Variants in ANO2 observed in about 807,000 individuals in gnomAD.
ANO2 encodes anoctamin 2.
ANO2 carries 101 observed loss-of-function variants against 124.2 expected under a neutral mutation model. That is an observed-to-expected ratio of 0.81 (90% CI 0.69 to 0.96). The LOEUF (loss-of-function observed/expected upper bound fraction) is 0.96. Among genes scored for constraint, ANO2 ranks in the 40% least tolerant of loss-of-function variants. The pLI, the probability that ANO2 is intolerant of heterozygous loss-of-function variation, is 0.00. For synonymous variants in ANO2, 486 were observed against 482.5 expected (o/e 1.01, Z -0.09); for missense variants, 1,293 against 1,274.5 (o/e 1.01, Z -0.22).
chr12:5,563,379 G>A lies in ANO2; in HGVS notation c.2917C>T (p.Arg973Trp), dbSNP rs751453525. 2.2e-5 allele frequency: 36 copies of A among 1,605,148 alleles called. No individual in the cohort carries two copies. The highest frequency in any genetic ancestry group is 1.7e-4 in the Middle Eastern group (1 of 5,952). ...SPGGGDRSRS[R>W]AASSAPSGQS... ...CCTGAAGGTGCTGAGCTGGCTGCCC[G>A]GCTCCTGCTTCGATCCCCACCTCCT... Residue 973 changes from arginine (R) to tryptophan (W), a missense_variant, in exon 25 of 25, where the codon CGG becomes TGG. Coordinates refer to ENST00000682330, the MANE Select transcript of ANO2 (RefSeq NM_001364791.2).
intron 16 of ANO2, among the ~76,000 whole-genome samples, chr12:5,628,149 A>G (rs182816278): frequency 2.0e-5 from 3 of 152,316 alleles, no homozygotes; most frequent in African/African-American, 7.2e-5. Flanking sequence ...AATTTAAAAA[A>G]AAATTCTTTC....
rs373521063 is a variant in ANO2 at position 5,709,358 on chromosome 12, A to G, written c.1545+23162T>C. ...TTGCCTAAGTTCTGGGCTATGGAAC[A>G]CGAGATGTGCAAATTCCAGATCATG... On this transcript the variant is annotated intron_variant, in intron 14 of 24. Transcript: ENST00000682330. Among the ~76,000 whole-genome samples, 38 of 152,248 alleles carry G rather than the reference A, an allele frequency of 2.5e-4. 1 individual carries two copies. The highest frequency in any genetic ancestry group is 1.2e-3 in the East Asian group (6 of 5,204).
chr12:5,930,294 A>T (rs956885262), intron 1 of ANO2, among the ~76,000 whole-genome samples: 10 of 152,224 alleles, frequency 6.6e-5, no homozygotes, highest in Non-Finnish European at 1.2e-4. Context: ...CAATGAACGA[A>T]CAGAGATGTG....
chr12:5,733,442 G>T (rs147925699), intron 13 of ANO2, among the ~76,000 whole-genome samples: 3 of 152,158 alleles, frequency 2.0e-5, no homozygotes, highest in East Asian at 1.9e-4. Context: ...TCTTCCTTAC[G>T]GTTTCCAGCT....
intron 20 of ANO2, among the ~76,000 whole-genome samples, chr12:5,580,811 G>C (rs541506623): frequency 6.6e-6 from 1 of 152,288 alleles, no homozygotes; most frequent in African/African-American, 2.4e-5. Context: ...ATTCAACCCT[G>C]TCCACTGCCA....
chr12:5,910,389 G>A (rs552976021), intron 3 of ANO2, among the ~76,000 whole-genome samples: 2 of 152,238 alleles, frequency 1.3e-5, no homozygotes, highest in East Asian at 3.9e-4. Context: ...ATGTTGGCCA[G>A]GCTGGTCTTG....
intron 14 of ANO2, among the ~76,000 whole-genome samples, chr12:5,691,858 T>C (rs1406188957): frequency 6.6e-6 from 1 of 151,628 alleles, no homozygotes; most frequent in Non-Finnish European, 1.5e-5. Context: ...GCCGAGATCA[T>C]GTGCCACTGC....
intron 19 of ANO2, among the ~76,000 whole-genome samples, chr12:5,609,368 C>T (rs895419945): frequency 6.6e-5 from 10 of 152,102 alleles, no homozygotes; most frequent in Non-Finnish European, 1.0e-4. Flanking sequence ...AAAATACATG[C>T]CCAAGTGCCC....
chr12:5,877,054 G>T (rs1055270631), intron 3 of ANO2, among the ~76,000 whole-genome samples: 5 of 152,188 alleles, frequency 3.3e-5, no homozygotes, highest in Non-Finnish European at 1.5e-5. Flanking sequence ...ATTGAAGTGG[G>T]TTGAGTAGCG....
At chr12:5,640,508 C>A (rs1280844171) in intron 15 of ANO2, among the ~76,000 whole-genome samples, 1 of 152,048 alleles carries the variant, frequency 6.6e-6, no homozygotes, top group Non-Finnish European at 1.5e-5. Context: ...CCTGAATCTA[C>A]AAAGAACTTA....
intron 7 of ANO2, among the ~76,000 whole-genome samples, chr12:5,813,777 G>A (rs1176395058): frequency 1.3e-5 from 2 of 152,156 alleles, no homozygotes; most frequent in African/African-American, 4.8e-5. Flanking sequence ...GGCCTCGTTG[G>A]CTCATATGTA....
chr12:5,619,780 G>A (rs183857765), intron 16 of ANO2, among the ~76,000 whole-genome samples: 1 of 152,284 alleles, frequency 6.6e-6, no homozygotes, highest in Admixed American at 6.5e-5. Context: ...ACTAAATATT[G>A]GAGGTTTACA....
intron 10 of ANO2, among the ~76,000 whole-genome samples, chr12:5,768,734 C>T (rs1951976188): frequency 6.6e-6 from 1 of 152,168 alleles, no homozygotes; most frequent in East Asian, 1.9e-4. Flanking sequence ...GGAACGACAG[C>T]AGCTGGATTG....
At chr12:5,807,648 A>T (rs868865966) in intron 7 of ANO2, among the ~76,000 whole-genome samples, 3 of 152,182 alleles carry the variant, frequency 2.0e-5, no homozygotes, top group Non-Finnish European at 4.4e-5. Flanking sequence ...TTCCATTCCA[A>T]TAACCTTCCA....
At chr12:5,650,503 A>G (rs1019879981) in intron 14 of ANO2, among the ~76,000 whole-genome samples, 13 of 152,202 alleles carry the variant, frequency 8.5e-5, no homozygotes, top group African/African-American at 3.1e-4. Context: ...GAGAAACACA[A>G]AGATTGCACC....
At chr12:5,790,572 CGTAA>C (rs952185477) in intron 10 of ANO2, among the ~76,000 whole-genome samples, 122 of 152,144 alleles carry the variant, frequency 8.0e-4, no homozygotes, top group African/African-American at 2.8e-3. Flanking sequence ...TCATCTATGT[CGTAA>C]GTCTCATTTT....
At chr12:5,607,416 G>A (rs970347771) in intron 19 of ANO2, among the ~76,000 whole-genome samples, 3 of 145,462 alleles carry the variant, frequency 2.1e-5, no homozygotes, top group Admixed American at 1.4e-4. Flanking sequence ...TTGTTTTAAC[G>A]TAAAAACCTT....
At chr12:5,735,487 C>T (rs967159245) in intron 13 of ANO2, among the ~76,000 whole-genome samples, 3 of 152,180 alleles carry the variant, frequency 2.0e-5, no homozygotes, top group African/African-American at 7.2e-5. Context: ...CAGTCCTAGA[C>T]ACAAGATCCC....
chr12:5,942,914 C>A (rs996326078), intron 1 of ANO2, among the ~76,000 whole-genome samples: 1 of 152,170 alleles, frequency 6.6e-6, no homozygotes, highest in Non-Finnish European at 1.5e-5. Flanking sequence ...AATGAGATAA[C>A]CCACCTTACT....
Sources: gnomAD v4.1 joint callset for allele counts (sites outside exome capture counted in the v4.1 genomes callset) on GRCh38, gnomAD v4.1.1 for gene constraint, MANE v1.5 for transcripts, NCBI Gene and HGNC (gene_info 2026-07-23, HGNC 2026-07-21) for gene names.